Variants in RALGAPA1 observed in about 807,000 individuals in gnomAD.
RALGAPA1 encodes the protein Ral GTPase activating protein catalytic subunit alpha 1.
RALGAPA1 carries 52 observed loss-of-function variants against 269.6 expected under a neutral mutation model. The observed-to-expected ratio is 0.19, with a 90% CI of 0.15 to 0.24. The LOEUF is 0.24. Ranked by LOEUF, RALGAPA1 falls within the 10% of genes least tolerant of loss-of-function variation. RALGAPA1 has a pLI of 1.00. For synonymous variants in RALGAPA1, 817 were observed against 1,008.3 expected (o/e 0.81, Z 3.60); for missense variants, 1,917 against 3,013.9 (o/e 0.64, Z 8.52).
intron 31 of RALGAPA1, among the ~76,000 whole-genome samples, chr14:35,649,480 C>G (rs760536399): frequency 5.3e-5 from 8 of 152,156 alleles, no homozygotes; most frequent in Non-Finnish European, 1.2e-4. Flanking sequence ...TGGCCCCTTC[C>G]TATCTTAGAA....
intron 13 of RALGAPA1, among the ~76,000 whole-genome samples, chr14:35,727,453 T>C (rs1159732444): frequency 6.6e-6 from 1 of 150,946 alleles, no homozygotes; most frequent in East Asian, 1.9e-4. Context: ...TTTTTTCTTT[T>C]TTAAACTTTT....
chr14:35,661,779 CT>C (rs2063552617), intron 27 of RALGAPA1, among the ~76,000 whole-genome samples: 1 of 152,252 alleles, frequency 6.6e-6, no homozygotes, highest in South Asian at 2.1e-4. Flanking sequence ...GGAATTTGAG[CT>C]TTCTATGTAA....
intron 1 of RALGAPA1, among the ~76,000 whole-genome samples, chr14:35,783,530 T>C (rs2075595584): frequency 6.6e-6 from 1 of 152,138 alleles, no homozygotes; most frequent in African/African-American, 2.4e-5. Context: ...TTCTTAGATA[T>C]GACACTAAAT....
At chr14:35,729,649 C>T (rs1203907704) in intron 12 of RALGAPA1, among the ~76,000 whole-genome samples, 4 of 152,124 alleles carry the variant, frequency 2.6e-5, no homozygotes, top group Non-Finnish European at 5.9e-5. Context: ...AGGTGAGAGC[C>T]TGCCTAACAT....
intron 37 of RALGAPA1, among the ~76,000 whole-genome samples, chr14:35,581,747 G>A (rs1566740542): frequency 6.6e-6 from 1 of 152,108 alleles, no homozygotes; most frequent in Non-Finnish European, 1.5e-5. Flanking sequence ...TGTTGGCAAA[G>A]ATGTGGAAAA....
chr14:35,548,514 A>G lies in RALGAPA1; in HGVS notation c.*17T>C, dbSNP rs779350710. ...GGTTGACACTTTGTCTTACCTTCAG[A>G]TAAACAGAACTGATATTTAATGATC... On this transcript the variant is annotated 3_prime_UTR_variant, in exon 41 of 42. Transcript: ENST00000680220. 1.1e-5 allele frequency: 18 copies of G among 1,570,830 alleles called. No individual in the cohort carries two copies. The highest frequency in any genetic ancestry group is 1.5e-5 in the Non-Finnish European group (17 of 1,157,066).
intron 38 of RALGAPA1, among the ~76,000 whole-genome samples, chr14:35,571,335 T>C (rs2139454796): frequency 6.6e-6 from 1 of 152,272 alleles, no homozygotes; most frequent in Non-Finnish European, 1.5e-5. Context: ...GTAAATATTT[T>C]AGATTTTGTG....
chr14:35,780,647 T>C (rs2075364100), intron 1 of RALGAPA1, among the ~76,000 whole-genome samples: 1 of 152,160 alleles, frequency 6.6e-6, no homozygotes. Flanking sequence ...CAGGAGAAGT[T>C]AGAAAATCTT....
At position 35,549,132 on chromosome 14, in the gene RALGAPA1, G is replaced by A. The variant is rs2054733788; in HGVS notation, c.7599C>T (p.Tyr2533=). 6.2e-7 allele frequency: 1 copy of A among 1,610,940 alleles called. No individual in the cohort carries two copies. ...FAAQVFSPAP[Y]HHLPSDADH ...TACCGGCATCAGATGGTAAATGGTG[G>A]TAGGGAGCTGGAGAAAAAACCTGTG... Residue 2533 remains tyrosine, a synonymous_variant, in exon 40 of 42, where the codon TAC becomes TAT. Transcript: ENST00000680220.
rs2065679128 is a variant in RALGAPA1, at chr14:35,683,871, A to G, written c.4409T>C (p.Ile1470Thr). The change falls in exon 21 of 42, where the codon ATA (isoleucine) becomes ACA (threonine). Residue 1470 changes from isoleucine (I) to threonine (T), a missense_variant. By Grantham distance (89) the Ile-to-Thr change is moderately conservative. Coordinates refer to ENST00000680220, the MANE Select transcript of RALGAPA1 (RefSeq NM_001346249.2). ...ATTAAGACTGCTTGTTTCAGAATCT[A>G]TATGAAGAGTAGTTAGACTAGCCAC... The part of the protein sequence containing the change: ...QEVASLTTLH[I>T]DSETSSLNQQ... The G allele has an allele frequency of 4.3e-6, 7 of 1,612,352 alleles. No homozygotes were observed. The highest frequency in any genetic ancestry group is 1.3e-5 in the African/African-American group (1 of 74,872).
intron 12 of RALGAPA1, among the ~76,000 whole-genome samples, chr14:35,736,655 C>A (rs1446504664): frequency 1.3e-5 from 2 of 152,128 alleles, no homozygotes; most frequent in Non-Finnish European, 2.9e-5. Context: ...TCTGATAAAT[C>A]AAGCAGGATT....
intron 36 of RALGAPA1, 51 bp downstream of exon 36, chr14:35,605,535 A>C: frequency 1.3e-6 from 2 of 1,511,456 alleles, no homozygotes; most frequent in East Asian, 4.7e-5. Context: ...AAAAAGAAAA[A>C]TAAGCTTATG....
intron 37 of RALGAPA1, among the ~76,000 whole-genome samples, chr14:35,589,836 A>T (rs1281136542): frequency 6.6e-6 from 1 of 152,062 alleles, no homozygotes; most frequent in African/African-American, 2.4e-5. Flanking sequence ...AATAGCTGGG[A>T]CTACAGGCAT....
intron 35 of RALGAPA1, among the ~76,000 whole-genome samples, chr14:35,623,924 A>G (rs960024873): frequency 1.2e-4 from 18 of 152,090 alleles, no homozygotes; most frequent in African/African-American, 4.3e-4. Flanking sequence ...CTAAAAATAC[A>G]AAAACAAAAT....
chr14:35,762,756 G>A lies in RALGAPA1; in HGVS notation c.326-3C>T, dbSNP rs2073836247. The A allele has an allele frequency of 6.9e-7, 1 of 1,448,412 alleles. No homozygotes were observed. Among genetic ancestry groups the A allele is most frequent in the South Asian group, 1.1e-5 (1 of 87,558 alleles). The allele number at this position is 1,448,412 out of a possible 1,614,324, so 89.7% of individuals were successfully genotyped here. On this transcript the variant is annotated splice_region_variant and splice_polypyrimidine_tract_variant and intron_variant, in intron 4 of 41. Transcript: ENST00000680220. The stretch of plus-strand genomic sequence containing the variant: ...AAGTAGCTTCTTTAAAATCAATCCT[G>A]AAAAGAAAATATGATTTTAAATATT...
At chr14:35,623,021 G>A (rs2060737629) in intron 35 of RALGAPA1, among the ~76,000 whole-genome samples, 1 of 149,746 alleles carries the variant, frequency 6.7e-6, no homozygotes. Context: ...GGTAGAGACT[G>A]CAGTGAGCTG....
chr14:35,694,130 T>C (rs779118933), intron 17 of RALGAPA1, among the ~76,000 whole-genome samples: 4 of 151,968 alleles, frequency 2.6e-5, no homozygotes, highest in Non-Finnish European at 5.9e-5. Context: ...AAAAGCAAGT[T>C]AGTTACTCAC....
chr14:35,761,886 C>T (rs1177708279), intron 5 of RALGAPA1, among the ~76,000 whole-genome samples: 4 of 152,166 alleles, frequency 2.6e-5, no homozygotes, highest in African/African-American at 9.7e-5. Context: ...AGGCTTATTC[C>T]TTTGTACTTT....
intron 16 of RALGAPA1, among the ~76,000 whole-genome samples, 153 bp from the exon 17 acceptor site, chr14:35,700,455 G>C (rs2067249384): frequency 6.6e-6 from 1 of 152,142 alleles, no homozygotes; most frequent in South Asian, 2.1e-4. Context: ...GCAAATACTG[G>C]CAAGCTGTAA....
Sources: allele counts gnomAD v4.1 joint callset (sites outside exome capture counted in the v4.1 genomes callset), GRCh38; gene constraint gnomAD v4.1.1; transcripts MANE v1.5; gene names NCBI Gene and HGNC (gene_info 2026-07-23, HGNC 2026-07-21).